The following CDCA8 variants were observed in gnomAD, a reference collection of about 807,000 sequenced individuals.
The protein encoded by CDCA8 is borealin.
In CDCA8, 25 loss-of-function variants were observed where a neutral mutation model predicts 40.0. That is an observed-to-expected ratio of 0.63 (90% confidence interval 0.46 to 0.87). The LOEUF is 0.87. Among genes scored for constraint, CDCA8 ranks in the 40% least tolerant of loss-of-function variants. CDCA8 has a pLI of 0.00. For missense variants in CDCA8, 280 were observed against 348.4 expected (o/e 0.80, Z 1.56); for synonymous variants, 111 against 126.5 (o/e 0.88, Z 0.82).
chr1:37,700,405 A>C, intron 4 of CDCA8, 31 bp from the exon 5 acceptor site: 3 of 1,308,542 alleles, frequency 2.3e-6, no homozygotes, highest in Non-Finnish European at 3.3e-6. Context: ...TTTCATCAGA[A>C]ATACCACCCT....
intron 6 of CDCA8, among the ~76,000 whole-genome samples, chr1:37,702,951 CAAA>C (rs35993657): frequency 7.8e-6 from 1 of 128,514 alleles, no homozygotes. Context: ...GACTCCGTCT[CAAA>C]AAAAAAAAAA....
intron 2 of CDCA8, among the ~76,000 whole-genome samples, chr1:37,693,716 A>C (rs1176130698): frequency 6.6e-6 from 1 of 152,216 alleles, no homozygotes; most frequent in African/African-American, 2.4e-5. Context: ...AGTATTTTTA[A>C]AAATATATGT....
rs534687648 is a variant in CDCA8 at position 37,709,282 on chromosome 1, A to T, written c.*916A>T. The T allele has an allele frequency of 6.6e-6, 1 of 152,316 alleles. No individual in the cohort carries two copies. The highest frequency in any genetic ancestry group is 1.9e-4 in the East Asian group (1 of 5,174). The allele number at this position is 152,316 out of a possible 1,614,324, so 9.4% of individuals were successfully genotyped here. ...GCCAAGTCTGTAGACTTCAGAGAGCACTTCTCTCTTATGGGGTTCATGGGA... is the reference window on the plus strand; with the variant it reads ...GCCAAGTCTGTAGACTTCAGAGAGCTCTTCTCTCTTATGGGGTTCATGGGA... On this transcript the variant is annotated 3_prime_UTR_variant, in exon 10 of 10. Coordinates refer to ENST00000373055, the MANE Select transcript of CDCA8 (RefSeq NM_001256875.2).
chr1:37,700,956 A>G (rs1435540380), intron 5 of CDCA8, among the ~76,000 whole-genome samples: 2 of 152,240 alleles, frequency 1.3e-5, no homozygotes, highest in African/African-American at 4.8e-5. Flanking sequence ...GGAATCAGAG[A>G]CAACTGCATG....
In CDCA8 at chr1:37,696,531, A is replaced by G. The variant is rs779801677; in HGVS notation, c.264+581A>G. On this transcript the variant is annotated intron_variant, in intron 3 of 9. Transcript: ENST00000373055. The surrounding 1 kb of genome is among the most constrained non-coding windows in gnomAD (Gnocchi z 5.0). The stretch of plus-strand genomic sequence containing the variant: ...ATACTAGCCACATTTTACATGTTCA[A>G]TACCTACATATGACTAGTAGCTACT... 2.6e-5 allele frequency among the ~76,000 whole-genome samples: 4 copies of G among 152,246 alleles called. No homozygotes were observed. Among genetic ancestry groups the G allele is most frequent in the Admixed American group, 6.5e-5 (1 of 15,294 alleles).
intron 1 of CDCA8, 46 bp downstream of exon 1, chr1:37,692,830 C>G: frequency 6.2e-7 from 1 of 1,612,502 alleles, no homozygotes; most frequent in Non-Finnish European, 8.5e-7. Flanking sequence ...TCGCGGGATG[C>G]TGGCGGGTGG....
At chr1:37,694,674 A>C (rs769909798) in intron 2 of CDCA8, among the ~76,000 whole-genome samples, 4 of 152,188 alleles carry the variant, frequency 2.6e-5, no homozygotes, top group Non-Finnish European at 4.4e-5. Flanking sequence ...TAATATCCCT[A>C]TTTTTCAAAA....
intron 6 of CDCA8, among the ~76,000 whole-genome samples, chr1:37,702,333 T>G (rs1645571163): frequency 6.6e-6 from 1 of 152,004 alleles, no homozygotes; most frequent in Non-Finnish European, 1.5e-5. Context: ...AACTGCCTGT[T>G]ATGTTTCAGT....
chr1:37,703,413 G>GTAT, intron 7 of CDCA8, 66 bp downstream of exon 7: 1 of 1,218,192 alleles, frequency 8.2e-7, no homozygotes, highest in Non-Finnish European at 1.2e-6. Flanking sequence ...CAGAGAAGGA[G>GTAT]TGTCTAAGAA....
chr1:37,705,698 G>A (rs776050), intron 8 of CDCA8, 131 bp downstream of exon 8: 472,770 of 1,007,994 alleles, frequency 0.47, 113,162 homozygotes, highest in East Asian at 0.7. Flanking sequence ...ACACTTCTGC[G>A]GGACTCAGAA....
intron 9 of CDCA8, 80 bp downstream of exon 9, chr1:37,707,144 G>A: frequency 1.9e-6 from 2 of 1,050,136 alleles, no homozygotes; most frequent in Admixed American, 3.6e-5. Context: ...TTGTCTTTTG[G>A]GCCTGGGCTA....
chr1:37,694,433 GC>G (rs1259626719), intron 2 of CDCA8, among the ~76,000 whole-genome samples: 1 of 152,192 alleles, frequency 6.6e-6, no homozygotes, highest in Non-Finnish European at 1.5e-5. Context: ...AGTGCTAGGT[GC>G]TAAAGATGCA....
intron 4 of CDCA8, 100 bp from the exon 5 acceptor site, chr1:37,700,336 G>T: frequency 1.4e-6 from 1 of 717,454 alleles, no homozygotes; most frequent in Non-Finnish European, 2.5e-6. Flanking sequence ...TTTCTTCCTT[G>T]CAGCTTAAGA....
rs114998565 is a variant in CDCA8 at position 37,697,517 on chromosome 1, T to C, written c.265-1388T>C. On this transcript the variant is annotated intron_variant, in intron 3 of 9. Coordinates refer to ENST00000373055, the MANE Select transcript of CDCA8 (RefSeq NM_001256875.2). ...TAGCACATGTCAAAATCCTAGACTT[T>C]CAGGAGGGAAGTAGGTGTTCAGCAT... 7.0e-3 allele frequency among the ~76,000 whole-genome samples: 1,070 copies of C among 152,330 alleles called. 6 individuals are homozygous for C. Among genetic ancestry groups the C allele is most frequent in the South Asian group, 0.017 (82 of 4,828 alleles).
intron 2 of CDCA8, among the ~76,000 whole-genome samples, chr1:37,695,496 G>C (rs1171458331): frequency 6.6e-6 from 1 of 151,982 alleles, no homozygotes; most frequent in Admixed American, 6.5e-5. Flanking sequence ...GGGAGGCCAA[G>C]GTGGGAGGAT....
intron 6 of CDCA8, among the ~76,000 whole-genome samples, chr1:37,702,244 G>A (rs1031727356): frequency 1.3e-5 from 2 of 151,518 alleles, no homozygotes; most frequent in African/African-American, 4.9e-5. Flanking sequence ...TCTCCATGTT[G>A]GTCAGGCTGG....
In CDCA8 at chr1:37,708,506, C is replaced by T. The variant is rs1052806724; in HGVS notation, c.*140C>T. ...CTCTAAGGGAATTCAGGAATTCAGA[C>T]GTGCTAGTCCCACACCAGTTAGGTA... On this transcript the variant is annotated 3_prime_UTR_variant, in exon 10 of 10. Coordinates refer to ENST00000373055, the MANE Select transcript of CDCA8 (RefSeq NM_001256875.2). 8 of 785,162 alleles carry T rather than the reference C, an allele frequency of 1.0e-5. No homozygotes were observed. Among genetic ancestry groups the T allele is most frequent in the Middle Eastern group, 2.3e-4 (1 of 4,362 alleles). The allele number at this position is 785,162 out of a possible 1,614,324, so 48.6% of individuals were successfully genotyped here.
intron 7 of CDCA8, 124 bp from the exon 8 acceptor site, chr1:37,705,317 G>A (rs115761480): frequency 0.029 from 22,305 of 756,390 alleles, 447 homozygotes; most frequent in South Asian, 0.043. Flanking sequence ...AATTTAGAAC[G>A]TGCTTTCTTA....
intron 6 of CDCA8, 151 bp downstream of exon 6, chr1:37,701,969 G>A (rs1645567894): frequency 6.6e-6 from 4 of 602,718 alleles, no homozygotes; most frequent in Non-Finnish European, 1.2e-5. Flanking sequence ...AAGCTGGAGG[G>A]GTCTCTAGAA....
Sources: gnomAD v4.1 joint callset for allele counts (sites outside exome capture counted in the v4.1 genomes callset) on GRCh38, gnomAD v4.1.1 for gene constraint, Gnocchi (gnomAD v3.1) non-coding constraint, MANE v1.5 for transcripts, NCBI Gene and HGNC (gene_info 2026-07-23, HGNC 2026-07-21) for gene names.